TENM4: variants seen among roughly 807,000 people sequenced by gnomAD.
TENM4 encodes teneurin transmembrane protein 4.
A neutral mutation model predicts 243.3 loss-of-function variants in TENM4; 82 were observed. The ratio of observed to expected loss-of-function variants is 0.34; its 90% confidence interval spans 0.28 to 0.40. The LOEUF (loss-of-function observed/expected upper bound fraction) is 0.40, where lower values mean the gene tolerates loss of function less well. TENM4 is among the 10% of genes least tolerant of loss of function. TENM4 has a pLI of 1.00. For missense variants in TENM4, 3,138 were observed against 3,673.3 expected (o/e 0.85, Z 3.77); for synonymous variants, 1,412 against 1,456.3 (o/e 0.97, Z 0.69).
intron 6 of TENM4, among the ~76,000 whole-genome samples, chr11:79,031,851 T>C (rs1859248559): frequency 6.6e-6 from 1 of 152,304 alleles, no homozygotes; most frequent in South Asian, 2.1e-4. Context: ...GAGCAATGTT[T>C]GGAGACATTT....
rs1859378240 is a variant in TENM4 at position 79,440,363 on chromosome 11, G to GCT, written c.-321+145_-321+146insAG. ...GCCTCCCTCCTCCTGGGCCAGGGGA[G>GCT]CAAGCAAACATCTCCCGGAGCCCTC... On this transcript the variant is annotated intron_variant, in intron 1 of 33. Coordinates refer to ENST00000278550, the MANE Select transcript of TENM4 (RefSeq NM_001098816.3). This position sits in a 1 kb window ranked among gnomAD's most constrained non-coding sequence, Gnocchi z 4.7. 1 of 152,624 alleles carries GCT rather than the reference G, an allele frequency of 6.6e-6. No individual in the cohort carries two copies. Among genetic ancestry groups the GCT allele is most frequent in the South Asian group, 2.1e-4 (1 of 4,834 alleles). The allele number at this position is 152,624 out of a possible 1,614,324, so 9.5% of individuals were successfully genotyped here.
At chr11:78,981,849 T>G (rs536663536) in intron 6 of TENM4, among the ~76,000 whole-genome samples, 2 of 152,236 alleles carry the variant, frequency 1.3e-5, no homozygotes, top group Admixed American at 1.3e-4. Context: ...CCACCCTTAT[T>G]GTTGAGCCAT....
At chr11:78,821,348 A>T (rs1591048650) in intron 12 of TENM4, among the ~76,000 whole-genome samples, 1 of 152,222 alleles carries the variant, frequency 6.6e-6, no homozygotes, top group Non-Finnish European at 1.5e-5. Flanking sequence ...AGAACTCAAT[A>T]ATATTTATTG....
intron 1 of TENM4, among the ~76,000 whole-genome samples, chr11:79,388,355 C>A (rs1224339069): frequency 6.6e-6 from 1 of 152,104 alleles, no homozygotes; most frequent in Non-Finnish European, 1.5e-5. Flanking sequence ...CTTCACAGAC[C>A]AAAAACAAAA....
intron 2 of TENM4, among the ~76,000 whole-genome samples, chr11:79,258,347 G>C (rs974856043): frequency 1.3e-5 from 2 of 152,166 alleles, no homozygotes; most frequent in African/African-American, 4.8e-5. Flanking sequence ...ACAATGGATG[G>C]TCAGAAAGCA....
In TENM4 at chr11:78,771,089, C is replaced by T; in HGVS notation, c.2442G>A (p.Leu814=). 3 of 1,575,330 alleles carry T rather than the reference C, an allele frequency of 1.9e-6. No individual in the cohort carries two copies. Among genetic ancestry groups the T allele is most frequent in the Non-Finnish European group, 2.6e-6 (3 of 1,160,274 alleles). Residue 814 remains leucine (L), a synonymous_variant, in exon 18 of 34, where the codon CTG becomes CTA. Coordinates refer to ENST00000278550, the MANE Select transcript of TENM4 (RefSeq NM_001098816.3). ...CNGNGRCTLD[L]NGWHCVCQLG... ...GCTGGCAGACGCAGTGCCAACCATT[C>T]AGGTCTAAGGTACATCTGCCGTTGC...
chr11:79,230,301 T>C (rs188424705), intron 2 of TENM4, among the ~76,000 whole-genome samples: 17 of 152,316 alleles, frequency 1.1e-4, no homozygotes. Context: ...ACATACGGTG[T>C]ATTATGCAAG....
rs1436997455 is a variant in TENM4, at chr11:79,440,062, G to A, written c.-321+447C>T. Reference sequence around the variant, plus strand: ...TTGCCCCGCAGGGCAGGCTGCAGCCGCTGAAGCCCGGCGCCGCCTCGCGGG... The same window carrying A: ...TTGCCCCGCAGGGCAGGCTGCAGCCACTGAAGCCCGGCGCCGCCTCGCGGG... On this transcript the variant is annotated intron_variant, in intron 1 of 33. Transcript: ENST00000278550. This position sits in a 1 kb window ranked among gnomAD's most constrained non-coding sequence, Gnocchi z 4.7. 1.3e-5 allele frequency among the ~76,000 whole-genome samples: 2 copies of A among 152,152 alleles called. No individual in the cohort carries two copies. Among genetic ancestry groups the A allele is most frequent in the African/African-American group, 4.8e-5 (2 of 41,462 alleles).
intron 1 of TENM4, among the ~76,000 whole-genome samples, chr11:79,418,228 T>C (rs767822220): frequency 2.6e-5 from 4 of 152,192 alleles, no homozygotes; most frequent in Admixed American, 1.3e-4. Context: ...GGCTACCCTA[T>C]TGGAGGACAG....
chr11:79,162,906 A>G (rs1288901765), intron 3 of TENM4, among the ~76,000 whole-genome samples: 1 of 152,260 alleles, frequency 6.6e-6, no homozygotes, highest in African/African-American at 2.4e-5. Flanking sequence ...GAGGATCCAT[A>G]GTCCCTGTTC....
intron 6 of TENM4, among the ~76,000 whole-genome samples, chr11:78,983,784 G>A (rs919105865): frequency 6.6e-6 from 1 of 151,616 alleles, no homozygotes; most frequent in African/African-American, 2.4e-5. Flanking sequence ...GTCCTATCCT[G>A]TGGGGGTGGG....
At chr11:79,206,502 C>G (rs1479494164) in intron 3 of TENM4, among the ~76,000 whole-genome samples, 1 of 152,206 alleles carries the variant, frequency 6.6e-6, no homozygotes, top group African/African-American at 2.4e-5. Flanking sequence ...ACTTCTTACA[C>G]TCTGATATGG....
intron 2 of TENM4, among the ~76,000 whole-genome samples, chr11:79,229,926 A>C (rs1481520485): frequency 6.6e-6 from 1 of 151,910 alleles, no homozygotes; most frequent in African/African-American, 2.4e-5. Context: ...TCCTGGGCTC[A>C]AGTGATCCTC....
At chr11:79,193,925 G>A (rs1863568046) in intron 3 of TENM4, among the ~76,000 whole-genome samples, 1 of 152,098 alleles carries the variant, frequency 6.6e-6, no homozygotes, top group African/African-American at 2.4e-5. Context: ...CATGGGAGTG[G>A]AGAGCAGGGG....
At chr11:78,790,557 T>G (rs1591026139) in intron 15 of TENM4, among the ~76,000 whole-genome samples, 1 of 152,352 alleles carries the variant, frequency 6.6e-6, no homozygotes, top group Middle Eastern at 3.4e-3. Flanking sequence ...TGCCTGGCTA[T>G]TATCCTTCTT....
intron 1 of TENM4, among the ~76,000 whole-genome samples, chr11:79,344,661 C>G (rs919117410): frequency 3.3e-5 from 5 of 152,248 alleles, no homozygotes; most frequent in Admixed American, 1.3e-4. Context: ...TCTTCCATCT[C>G]ATGCTGGGCC....
intron 6 of TENM4, among the ~76,000 whole-genome samples, chr11:78,936,516 A>T (rs1315078349): frequency 6.6e-6 from 1 of 152,246 alleles, no homozygotes; most frequent in African/African-American, 2.4e-5. Context: ...ACTGCAAAGT[A>T]TAATGCTAAT....
At chr11:79,379,960 G>A (rs945188713) in intron 1 of TENM4, among the ~76,000 whole-genome samples, 1 of 152,154 alleles carries the variant, frequency 6.6e-6, no homozygotes, top group South Asian at 2.1e-4. Context: ...CTTTAGACAT[G>A]TTGAGTTCCA....
At chr11:79,382,064 A>T (rs542044) in intron 1 of TENM4, among the ~76,000 whole-genome samples, 1 of 152,050 alleles carries the variant, frequency 6.6e-6, no homozygotes, top group Admixed American at 6.5e-5. Context: ...TGCATAAATT[A>T]TCTCAACTTA....
Sources: allele counts gnomAD v4.1 joint callset (sites outside exome capture counted in the v4.1 genomes callset), GRCh38; gene constraint gnomAD v4.1.1; non-coding constraint Gnocchi (gnomAD v3.1); transcripts MANE v1.5; gene names NCBI Gene and HGNC (gene_info 2026-07-23, HGNC 2026-07-21).